TTC7A: variants seen among roughly 807,000 people sequenced by gnomAD.
TTC7A encodes tetratricopeptide repeat protein 7A.
Under a neutral mutation model 103.7 loss-of-function variants are expected in TTC7A, and 110 were observed. The ratio of observed to expected loss-of-function variants is 1.06; its 90% CI spans 0.91 to 1.24. The LOEUF is 1.24. Ranked by LOEUF, TTC7A falls within the 50% of genes most tolerant of loss-of-function variation. TTC7A has a pLI of 0.00. For synonymous variants in TTC7A, 521 were observed against 467.9 expected (o/e 1.11, Z -1.47); for missense variants, 1,340 against 1,116.3 (o/e 1.20, Z -2.86).
At chr2:47,006,760 C>A in intron 10 of TTC7A, 36 bp downstream of exon 10, 1 of 1,505,674 alleles carries the variant, frequency 6.6e-7, no homozygotes, top group Non-Finnish European at 9.3e-7. Flanking sequence ...TGCACACTCA[C>A]CCGCAGGGGG....
chr2:46,936,234 T>C (rs1669970577), upstream of TTC7A, among the ~76,000 whole-genome samples: 1 of 152,268 alleles, frequency 6.6e-6, no homozygotes, highest in South Asian at 2.1e-4. Flanking sequence ...ATCTGCCTTA[T>C]TACTAACAAC....
rs776157500 is a variant in TTC7A at position 47,073,972 on chromosome 2, C to T, written c.*49C>T. 2 of 1,520,262 alleles carry T rather than the reference C, an allele frequency of 1.3e-6. No homozygotes were observed. Among genetic ancestry groups the T allele is most frequent in the South Asian group, 1.2e-5 (1 of 86,204 alleles). The allele number at this position is 1,520,262 out of a possible 1,614,324, so 94.2% of individuals were successfully genotyped here. A position where few individuals can be genotyped will look rare whatever the true frequency, so the allele number is the denominator to read the frequency against. ...AGGGGCTGGCCAGAGGGAGAGGCAGCAGGGAACGTGGGTCAGGGTGGGGCA... is the reference window on the plus strand; with the variant it reads ...AGGGGCTGGCCAGAGGGAGAGGCAGTAGGGAACGTGGGTCAGGGTGGGGCA... On this transcript the variant is annotated 3_prime_UTR_variant, in exon 20 of 20. Transcript: ENST00000319190.
chr2:47,062,841 T>C (rs943688629), intron 19 of TTC7A, among the ~76,000 whole-genome samples: 1 of 152,214 alleles, frequency 6.6e-6, no homozygotes, highest in Non-Finnish European at 1.5e-5. Flanking sequence ...AAATGGTCCC[T>C]TTTTCCTTCC....
chr2:47,043,011 C>G (rs1364783313), intron 15 of TTC7A, among the ~76,000 whole-genome samples: 2 of 152,192 alleles, frequency 1.3e-5, no homozygotes, highest in African/African-American at 4.8e-5. Flanking sequence ...GCTTCGATTC[C>G]CCCTGGCTGT....
chr2:47,006,647 G>A lies in TTC7A; in HGVS notation c.1210G>A (p.Glu404Lys), dbSNP rs1168213484. ...GACTATCTCCCCTCCCCAGTGCCTG[G>A]AGCGAGCCATGAAGTTTGCGTTTGG... Reference protein sequence around the residue: ...GQYVMLSECLERAMKFAFGEF... With the variant: ...GQYVMLSECLKRAMKFAFGEF... The change falls in exon 10 of 20, where the codon GAG becomes AAG. Residue 404 changes from glutamate to lysine, a missense_variant. By Grantham distance (56) the Glu-to-Lys change is moderately conservative. Coordinates refer to ENST00000319190, the MANE Select transcript of TTC7A (RefSeq NM_020458.4). The A allele has an allele frequency of 1.9e-6, 3 of 1,614,062 alleles. No individual in the cohort carries two copies. The highest frequency in any genetic ancestry group is 4.5e-5 in the East Asian group (2 of 44,860).
chr2:46,919,363 G>A (rs1477571006), intron 2 of TTC7A, among the ~76,000 whole-genome samples: 1 of 152,124 alleles, frequency 6.6e-6, no homozygotes, highest in Non-Finnish European at 1.5e-5. Context: ...GTGAAACCCT[G>A]TCTCTACTAA....
At chr2:47,062,136 C>T (rs974440627) in intron 19 of TTC7A, among the ~76,000 whole-genome samples, 8 of 152,176 alleles carry the variant, frequency 5.3e-5, no homozygotes, top group African/African-American at 1.2e-4. Flanking sequence ...TCAGGGAAAA[C>T]GTTATAACTC....
rs764914286 is a variant in TTC7A, at chr2:47,009,721, TGGG to T, written c.1288-1606_1288-1604del. Among the ~76,000 whole-genome samples, 4 of 151,802 alleles carry T rather than the reference TGGG, an allele frequency of 2.6e-5. No homozygotes were observed. The East Asian group carries it at 5.8e-4, about 22-fold the overall frequency. On this transcript the variant is annotated intron_variant, in intron 10 of 19. Transcript: ENST00000319190. ...CTGGGGGGATATGAGAGCTAATTAATGGGGGGTTGCTTGGCCCACAGTAGGGCC... is the reference window on the plus strand; with the variant it reads ...CTGGGGGGATATGAGAGCTAATTAATGGGTTGCTTGGCCCACAGTAGGGCC...
intron 15 of TTC7A, chr2:47,040,461 C>A (rs1395884713): frequency 1.3e-5 from 2 of 152,250 alleles, no homozygotes; most frequent in African/African-American, 4.8e-5. Context: ...ACAGCTTAAA[C>A]AGGAAAATGC....
In TTC7A at chr2:47,051,811, C is replaced by T. The variant is rs759043996; in HGVS notation, c.2083C>T (p.Pro695Ser). The change falls in exon 18 of 20, where the codon CCC (proline) becomes TCC (serine). Residue 695 changes from proline (P) to serine (S), a missense_variant. Transcript: ENST00000319190. ...GGAGGCCATGTCAGAGCTGACTATGCCCTCTTCGGTCCTGAAGCAGGGCCC... is the reference window on the plus strand; with the variant it reads ...GGAGGCCATGTCAGAGCTGACTATGTCCTCTTCGGTCCTGAAGCAGGGCCC... ...LEEAMSELTM[P>S]SSVLKQGPMQ... 2.5e-6 allele frequency: 4 copies of T among 1,611,946 alleles called. No individual in the cohort carries two copies. The African/African-American group carries it at 4.0e-5, about 16-fold the overall frequency.
chr2:46,969,191 A>C (rs1194558648), intron 3 of TTC7A, among the ~76,000 whole-genome samples: 1 of 137,580 alleles, frequency 7.3e-6, no homozygotes, highest in African/African-American at 2.7e-5. Context: ...TGTTATGTGT[A>C]TATAAGAGTT....
chr2:46,990,445 G>A (rs747691246), intron 5 of TTC7A, among the ~76,000 whole-genome samples: 7 of 152,192 alleles, frequency 4.6e-5, no homozygotes, highest in African/African-American at 9.7e-5. Context: ...GCTGGTAGGC[G>A]GAAGGTGGTC....
intron 14 of TTC7A, among the ~76,000 whole-genome samples, chr2:47,028,735 G>A (rs569113876): frequency 6.6e-6 from 1 of 152,252 alleles, no homozygotes; most frequent in East Asian, 1.9e-4. Context: ...CTAGAATCTG[G>A]ATTCTAGTCC....
upstream of TTC7A, among the ~76,000 whole-genome samples, chr2:46,937,082 C>A (rs924664222): frequency 5.9e-5 from 9 of 152,094 alleles, no homozygotes; most frequent in Admixed American, 3.3e-4. The surrounding 1 kb of genome is among the most constrained non-coding windows in gnomAD (Gnocchi z 4.0). Flanking sequence ...TCTCGAACTC[C>A]TGAGCTCAAG....
chr2:47,001,550 A>G (rs983576307), intron 8 of TTC7A, among the ~76,000 whole-genome samples: 5 of 152,140 alleles, frequency 3.3e-5, no homozygotes, highest in East Asian at 1.9e-4. Flanking sequence ...GGATGTGACA[A>G]TTCAGCTTCT....
intron 8 of TTC7A, among the ~76,000 whole-genome samples, chr2:46,997,104 G>A (rs748312144): frequency 4.6e-5 from 7 of 152,028 alleles, no homozygotes; most frequent in Admixed American, 6.6e-5. Flanking sequence ...TCAGCTTCCC[G>A]AGTGGCTTGG....
chr2:46,953,482 C>A (rs545736056), intron 2 of TTC7A, among the ~76,000 whole-genome samples: 1 of 152,084 alleles, frequency 6.6e-6, no homozygotes, highest in Non-Finnish European at 1.5e-5. Flanking sequence ...CTATCTCACC[C>A]GCAAAGATCA....
chr2:46,931,685 C>G (rs982105434), intron 2 of TTC7A, among the ~76,000 whole-genome samples: 1 of 122,986 alleles, frequency 8.1e-6, no homozygotes, highest in African/African-American at 3.8e-5. Context: ...AAAACAAAAA[C>G]AGACAATAAT....
In TTC7A at chr2:46,925,272, G is replaced by A. The variant is rs186226125; in HGVS notation, c.82+7995G>A. Among the ~76,000 whole-genome samples, 49 of 152,250 alleles carry A rather than the reference G, an allele frequency of 3.2e-4. 1 individual carries two copies. Among genetic ancestry groups the A allele is most frequent in the Middle Eastern group, 3.4e-3 (1 of 294 alleles). On this transcript the variant is annotated intron_variant, in intron 2 of 20. Transcript: ENST00000409245. ...CACCCACTTGTTTTTTTAACAATAT[G>A]TTGAGCTGGGTGCAGTGGCTCATGC...
Sources: gnomAD v4.1 joint callset for allele counts (sites outside exome capture counted in the v4.1 genomes callset) on GRCh38, gnomAD v4.1.1 for gene constraint, Gnocchi (gnomAD v3.1) non-coding constraint, MANE v1.5 for transcripts, NCBI Gene and HGNC (gene_info 2026-07-23, HGNC 2026-07-21) for gene names.